GRID2: variants seen among roughly 807,000 people sequenced by gnomAD.
GRID2 encodes glutamate ionotropic receptor delta type subunit 2.
GRID2 carries 33 observed loss-of-function variants against 114.8 expected under a neutral mutation model. That is an observed-to-expected ratio of 0.29 (90% CI 0.22 to 0.38). The LOEUF (loss-of-function observed/expected upper bound fraction) is 0.38. Ranked by LOEUF, GRID2 falls within the 10% of genes least tolerant of loss-of-function variation. The pLI is 1.00. For synonymous variants in GRID2, 505 were observed against 449.9 expected (o/e 1.12, Z -1.55); for missense variants, 1,184 against 1,257.7 (o/e 0.94, Z 0.89).
intron 2 of GRID2, among the ~76,000 whole-genome samples, chr4:92,813,796 C>T (rs566969265): frequency 1.3e-4 from 20 of 152,126 alleles, no homozygotes; most frequent in Middle Eastern, 3.4e-3. Flanking sequence ...CTAAAGGAAA[C>T]GTATTTTGAG....
intron 8 of GRID2, among the ~76,000 whole-genome samples, chr4:93,246,098 A>G (rs1748171810): frequency 6.6e-6 from 1 of 152,218 alleles, no homozygotes; most frequent in Admixed American, 6.5e-5. Flanking sequence ...CTGTTAATCA[A>G]GGCTTGGAAA....
At chr4:92,723,890 G>C (rs1401113091) in intron 2 of GRID2, among the ~76,000 whole-genome samples, 1 of 152,068 alleles carries the variant, frequency 6.6e-6, no homozygotes, top group Non-Finnish European at 1.5e-5. Context: ...ATGATTAAAT[G>C]AGCATATTCA....
intron 8 of GRID2, among the ~76,000 whole-genome samples, chr4:93,239,736 C>T (rs1403049723): frequency 6.6e-6 from 1 of 151,550 alleles, no homozygotes; most frequent in South Asian, 2.1e-4. Flanking sequence ...CTCAACCCTC[C>T]CATATGCTTC....
chr4:92,992,048 G>A (rs973448494), intron 2 of GRID2, among the ~76,000 whole-genome samples: 1 of 152,202 alleles, frequency 6.6e-6, no homozygotes, highest in African/African-American at 2.4e-5. Flanking sequence ...AGGAAAGTCA[G>A]TGGGGATACC....
Position 93,729,403 on chromosome 4 carries a change from A to G in GRID2, c.2361-39807A>G, listed in dbSNP as rs114184743. Among the ~76,000 whole-genome samples the G allele has an allele frequency of 6.1e-3, 929 of 152,298 alleles. 12 individuals carry two copies. The highest frequency in any genetic ancestry group is 0.021 in the African/African-American group (885 of 41,556). On this transcript the variant is annotated intron_variant, in intron 14 of 15. Transcript: ENST00000282020. ...TAAAATCTCTGGATTTCCAGGTATT[A>G]CTGGAATAACACCACCTCTATACTC...
intron 1 of GRID2, among the ~76,000 whole-genome samples, chr4:92,468,651 T>C (rs1721874095): frequency 1.3e-5 from 2 of 152,136 alleles, no homozygotes; most frequent in South Asian, 4.1e-4. Context: ...AGTTTGTGGC[T>C]TTGTACAGAG....
chr4:93,258,173 G>T (rs71599273), intron 8 of GRID2, among the ~76,000 whole-genome samples: 157 of 151,408 alleles, frequency 1.0e-3, no homozygotes, highest in Non-Finnish European at 1.9e-3. Flanking sequence ...ATATAGTTTT[G>T]TTGTGTTTGA....
At chr4:93,583,308 T>C (rs1357063870) in intron 13 of GRID2, among the ~76,000 whole-genome samples, 1 of 152,184 alleles carries the variant, frequency 6.6e-6, no homozygotes, top group Non-Finnish European at 1.5e-5. Context: ...GGAATTATTC[T>C]TTATAATTAA....
At chr4:92,971,437 A>C (rs1037476832) in intron 2 of GRID2, among the ~76,000 whole-genome samples, 3 of 151,996 alleles carry the variant, frequency 2.0e-5, no homozygotes, top group Non-Finnish European at 4.4e-5. Context: ...ACATGTAATA[A>C]TTGTACATAC....
At chr4:93,031,067 C>G (rs753995049) in intron 2 of GRID2, among the ~76,000 whole-genome samples, 5 of 138,714 alleles carry the variant, frequency 3.6e-5, no homozygotes, top group African/African-American at 8.0e-5. Context: ...CATGGAGTCT[C>G]GCTCTGTCGC....
At chr4:93,748,899 T>C (rs1357482251) in intron 14 of GRID2, among the ~76,000 whole-genome samples, 1 of 152,226 alleles carries the variant, frequency 6.6e-6, no homozygotes, top group Non-Finnish European at 1.5e-5. Flanking sequence ...TTATAATTCA[T>C]TGTAGTTGGC....
chr4:93,097,759 G>T (rs1158343747), intron 3 of GRID2, among the ~76,000 whole-genome samples: 1 of 151,768 alleles, frequency 6.6e-6, no homozygotes, highest in African/African-American at 2.4e-5. Flanking sequence ...TTTTGATGCA[G>T]CTTTTTTCAT....
intron 13 of GRID2, among the ~76,000 whole-genome samples, chr4:93,578,585 G>GTTTTTTTTTTT (rs1736642083): frequency 4.3e-5 from 5 of 115,256 alleles, no homozygotes; most frequent in African/African-American, 1.9e-4. Flanking sequence ...CTTGTTTTTT[G>GTTTTTTTTTTT]TATTTTTTTT....
At chr4:92,356,459 C>T (rs1367839182) in intron 1 of GRID2, among the ~76,000 whole-genome samples, 1 of 151,340 alleles carries the variant, frequency 6.6e-6, no homozygotes, top group Non-Finnish European at 1.5e-5. Flanking sequence ...ATATTAAAAA[C>T]ATACATGCCC....
At chr4:92,761,582 G>C (rs1738014585) in intron 2 of GRID2, among the ~76,000 whole-genome samples, 2 of 152,134 alleles carry the variant, frequency 1.3e-5, no homozygotes, top group African/African-American at 4.8e-5. Flanking sequence ...CAAAGAATCT[G>C]TCATGCTGCA....
At chr4:93,346,909 T>TA (rs1379096077) in intron 8 of GRID2, among the ~76,000 whole-genome samples, 1 of 152,218 alleles carries the variant, frequency 6.6e-6, no homozygotes. Flanking sequence ...TAAGTTTTGA[T>TA]AAATAATATC....
chr4:93,176,303 C>T (rs1739339640), intron 4 of GRID2, among the ~76,000 whole-genome samples: 2 of 152,070 alleles, frequency 1.3e-5, no homozygotes, highest in South Asian at 2.1e-4. Flanking sequence ...TCTCATTTTG[C>T]TTACTGCTTT....
At chr4:92,397,031 A>C (rs1209241285) in intron 1 of GRID2, among the ~76,000 whole-genome samples, 2 of 152,088 alleles carry the variant, frequency 1.3e-5, no homozygotes, top group Non-Finnish European at 2.9e-5. Flanking sequence ...TGAGAAGTAA[A>C]GTATTTTAGT....
rs192446011 is a variant in GRID2 at position 92,886,682 on chromosome 4, G to A, written c.245-198313G>A. Among the ~76,000 whole-genome samples the A allele has an allele frequency of 8.5e-5, 13 of 152,192 alleles. No homozygotes were observed. The East Asian group carries it at 2.5e-3, about 29-fold the overall frequency. On this transcript the variant is annotated intron_variant, in intron 2 of 15. Coordinates refer to ENST00000282020, the MANE Select transcript of GRID2 (RefSeq NM_001510.4). ...GCTCTTTCGCCCAGGCTGGAGCGCA[G>A]CGGAGCGATTTAGGCTCACTGCAAG...
Sources: gnomAD v4.1 joint callset for allele counts (sites outside exome capture counted in the v4.1 genomes callset) on GRCh38, gnomAD v4.1.1 for gene constraint, MANE v1.5 for transcripts, NCBI Gene and HGNC (gene_info 2026-07-23, HGNC 2026-07-21) for gene names.